CDKN2B-AS1: variants seen among roughly 807,000 people sequenced by gnomAD.
CDKN2B-AS1 encodes the protein CDKN2B antisense RNA 1 (non-protein coding).
intron 4 of CDKN2B-AS1, chr9:22,120,900 T>A (rs997218311): frequency 6.6e-6 from 1 of 152,180 alleles, no homozygotes; most frequent in Non-Finnish European, 1.5e-5. Context: ...GTAACTCATG[T>A]AATCCTCATA....
At chr9:22,123,126 G>A (rs777966270) in intron 4 of CDKN2B-AS1, among the ~76,000 whole-genome samples, 2 of 152,050 alleles carry the variant, frequency 1.3e-5, no homozygotes, top group African/African-American at 2.4e-5. Flanking sequence ...TTGTAAATGG[G>A]ATTGCCTTCT....
At chr9:22,103,228 C>T (rs1211862217) in intron 4 of CDKN2B-AS1, among the ~76,000 whole-genome samples, 1 of 151,356 alleles carries the variant, frequency 6.6e-6, no homozygotes, top group Non-Finnish European at 1.5e-5. Context: ...CCCACTTTCC[C>T]ACATATCCCA....
chr9:22,093,911 C>A (rs1825184725), intron 4 of CDKN2B-AS1, among the ~76,000 whole-genome samples: 1 of 144,268 alleles, frequency 6.9e-6, no homozygotes, highest in Middle Eastern at 3.5e-3. Context: ...TCTTCCTAGC[C>A]TTGATGGTCT....
intron 4 of CDKN2B-AS1, among the ~76,000 whole-genome samples, chr9:22,108,344 C>T (rs886310195): frequency 3.3e-5 from 5 of 152,166 alleles, no homozygotes; most frequent in African/African-American, 1.2e-4. Flanking sequence ...GGGAGTATTA[C>T]TCTAACGGTT....
In CDKN2B-AS1 at chr9:22,094,684, C is replaced by G. The variant is rs928506116; in HGVS notation, n.439-32419C>G. Among the ~76,000 whole-genome samples, 5 of 144,350 alleles carry G rather than the reference C, an allele frequency of 3.5e-5. 1 individual carries two copies. The highest frequency in any genetic ancestry group is 1.4e-4 in the African/African-American group (5 of 34,620). The allele number at this position is 144,350 out of a possible 152,430, so 94.7% of individuals were successfully genotyped here. On this transcript the variant is annotated intron_variant and non_coding_transcript_variant, in intron 4 of 4. Coordinates refer to ENST00000650946, the Ensembl canonical transcript of CDKN2B-AS1. The stretch of plus-strand genomic sequence containing the variant: ...TCCGTCAGGTCCTTTAAAGACTTCT[C>G]TGCGTTGGTTATTCTAGTTAGCCAT...
intron 3 of CDKN2B-AS1, among the ~76,000 whole-genome samples, chr9:22,053,514 T>C (rs1823438932): frequency 6.6e-6 from 1 of 152,196 alleles, no homozygotes. Flanking sequence ...AAATTCTGTT[T>C]GGTTTATAAA....
chr9:22,012,292 C>T (rs775356349), intron 1 of CDKN2B-AS1: 123 of 1,471,054 alleles, frequency 8.4e-5, no homozygotes, highest in Non-Finnish European at 1.1e-4. Flanking sequence ...TGATATTTGC[C>T]AGCAAACAGC....
intron 1 of CDKN2B-AS1, among the ~76,000 whole-genome samples, chr9:22,042,246 C>T (rs1013187062): frequency 3.3e-5 from 5 of 152,016 alleles, no homozygotes; most frequent in African/African-American, 4.8e-5. Flanking sequence ...TTTGTTCATA[C>T]GTTTATTAAC....
chr9:22,044,464 C>T (rs1823026143), intron 1 of CDKN2B-AS1, among the ~76,000 whole-genome samples: 1 of 151,870 alleles, frequency 6.6e-6, no homozygotes, highest in Non-Finnish European at 1.5e-5. Context: ...CTTTGGCTTT[C>T]CTGTGTAAGT....
intron 1 of CDKN2B-AS1, among the ~76,000 whole-genome samples, chr9:22,019,180 T>C (rs549164018): frequency 2.6e-5 from 4 of 152,242 alleles, no homozygotes; most frequent in Admixed American, 1.3e-4. Context: ...TAGAGCTGTA[T>C]AGGCCATGTT....
In CDKN2B-AS1 at chr9:22,000,421, A is replaced by G. The variant is rs930352170; in HGVS notation, n.29+5260A>G. Among the ~76,000 whole-genome samples, 7 of 152,170 alleles carry G rather than the reference A, an allele frequency of 4.6e-5. No individual in the cohort carries two copies. The highest frequency in any genetic ancestry group is 1.4e-4 in the African/African-American group (6 of 41,446). The stretch of plus-strand genomic sequence containing the variant: ...CTAATTTTGGAATAGTCTTACTGTG[A>G]TAAGTCTAACTATCAAAGGCAGTCC... On this transcript the variant is annotated intron_variant and non_coding_transcript_variant, in intron 1 of 4. Coordinates refer to ENST00000650946, the Ensembl canonical transcript of CDKN2B-AS1. The surrounding 1 kb of genome is among the most constrained non-coding windows in gnomAD (Gnocchi z 4.1).
Position 22,005,890 on chromosome 9 carries a change from G to A in CDKN2B-AS1, n.29+10729G>A, listed in dbSNP as rs1821147779. 5 of 1,499,352 alleles carry A rather than the reference G, an allele frequency of 3.3e-6. No homozygotes were observed. Among genetic ancestry groups the A allele is most frequent in the Non-Finnish European group, 4.5e-6 (5 of 1,110,858 alleles). 92.9% of individuals were successfully genotyped at this position (1,499,352 alleles called of 1,614,324 possible). ...AGGCTTGCAGGCTTACAGGCTTTCC[G>A]CCGCTCCCCGTTGGCAGCCTTCATC... On this transcript the variant is annotated intron_variant and non_coding_transcript_variant, in intron 1 of 4. Transcript: ENST00000650946. This position sits in a 1 kb window ranked among gnomAD's most constrained non-coding sequence, Gnocchi z 4.9.
At chr9:22,098,165 G>C (rs1006670935) in intron 4 of CDKN2B-AS1, among the ~76,000 whole-genome samples, 4 of 149,224 alleles carry the variant, frequency 2.7e-5, no homozygotes, top group African/African-American at 5.1e-5. Context: ...CTCTGTGTGT[G>C]TGTGTGTGTG....
chr9:22,125,758 G>T (rs570176147), intron 4 of CDKN2B-AS1, among the ~76,000 whole-genome samples: 2 of 152,028 alleles, frequency 1.3e-5, no homozygotes, highest in Non-Finnish European at 2.9e-5. Flanking sequence ...GTGGTATTGC[G>T]CTAGAAAAAT....
intron 1 of CDKN2B-AS1, among the ~76,000 whole-genome samples, chr9:22,025,266 G>C (rs1407334692): frequency 6.6e-6 from 1 of 152,194 alleles, no homozygotes; most frequent in Non-Finnish European, 1.5e-5. Flanking sequence ...AGCAGCTGGG[G>C]GGTGGGGTGG....
At chr9:22,070,793 A>C (rs73650009) in intron 4 of CDKN2B-AS1, among the ~76,000 whole-genome samples, 3,081 of 152,310 alleles carry the variant, frequency 0.02, 95 homozygotes, top group African/African-American at 0.069. Context: ...TATATTTTAT[A>C]AATTAAGATA....
chr9:22,082,661 G>T (rs1327071156), intron 4 of CDKN2B-AS1, among the ~76,000 whole-genome samples: 1 of 152,212 alleles, frequency 6.6e-6, no homozygotes, highest in African/African-American at 2.4e-5. Context: ...TATTTTTAAG[G>T]AGGAGCATAT....
intron 3 of CDKN2B-AS1, among the ~76,000 whole-genome samples, chr9:22,052,504 A>C (rs940577357): frequency 6.6e-6 from 1 of 152,176 alleles, no homozygotes; most frequent in Non-Finnish European, 1.5e-5. Context: ...AGCATTGAGA[A>C]TTTCCTGTGG....
intron 4 of CDKN2B-AS1, among the ~76,000 whole-genome samples, chr9:22,063,016 G>C (rs796316106): frequency 6.2e-4 from 82 of 131,950 alleles, no homozygotes; most frequent in African/African-American, 2.3e-3. Context: ...GAGAGAGAGA[G>C]AGAGAGACTT....
Sources: allele counts gnomAD v4.1 joint callset (sites outside exome capture counted in the v4.1 genomes callset), GRCh38; gene constraint gnomAD v4.1.1; non-coding constraint Gnocchi (gnomAD v3.1); transcripts MANE v1.5; gene names NCBI Gene and HGNC (gene_info 2026-07-23, HGNC 2026-07-21).